FTCDNL1: variants seen among roughly 807,000 people sequenced by gnomAD.
FTCDNL1 encodes the protein formiminotransferase cyclodeaminase N-terminal like.
A neutral mutation model predicts 5.9 loss-of-function variants in FTCDNL1; 11 were observed. That is an observed-to-expected ratio of 1.87 (90% CI 1.18 to 3.10). FTCDNL1 has a LOEUF of 3.10. FTCDNL1 is among the 30% of genes most tolerant of loss of function. FTCDNL1 has a pLI of 0.00. For missense variants in FTCDNL1, 115 were observed against 65.5 expected (o/e 1.76, Z -2.61); for synonymous variants, 58 against 24.8 (o/e 2.34, Z -3.99).
At chr2:199,846,518 CA>C (rs2076737544) in intron 2 of FTCDNL1, among the ~76,000 whole-genome samples, 1 of 152,192 alleles carries the variant, frequency 6.6e-6, no homozygotes, top group Non-Finnish European at 1.5e-5. Flanking sequence ...TGTTCCTTAT[CA>C]ATCTCATCAC....
At chr2:199,850,647 T>A (rs1362195351) in intron 1 of FTCDNL1, 93 bp downstream of exon 1, 1 of 152,334 alleles carries the variant, frequency 6.6e-6, no homozygotes, top group African/African-American at 2.4e-5. Flanking sequence ...GGATGACCTC[T>A]GGTGATAGAT....
At chr2:199,785,165 T>C (rs1699569390) in intron 3 of FTCDNL1, among the ~76,000 whole-genome samples, 1 of 151,480 alleles carries the variant, frequency 6.6e-6, no homozygotes, top group Non-Finnish European at 1.5e-5. Context: ...AGTGTTTTCA[T>C]GATCTCATAC....
the FTCDNL1 span, among the ~76,000 whole-genome samples, chr2:199,722,597 G>A: frequency 6.6e-6 from 1 of 152,140 alleles, no homozygotes; most frequent in Admixed American, 6.5e-5. Context: ...GATTGTCTTG[G>A]TTATAGGGGC....
At chr2:199,837,037 A>G (rs1165727539) in intron 3 of FTCDNL1, among the ~76,000 whole-genome samples, 1 of 152,204 alleles carries the variant, frequency 6.6e-6, no homozygotes, top group Non-Finnish European at 1.5e-5. Context: ...GGCTGGGTTC[A>G]TCCATAACTG....
chr2:199,675,961 AG>A, the FTCDNL1 span, among the ~76,000 whole-genome samples: 1 of 152,188 alleles, frequency 6.6e-6, no homozygotes, highest in Non-Finnish European at 1.5e-5. Flanking sequence ...TGTGTTGCCC[AG>A]ACTTGTGTCC....
chr2:199,733,844 A>G, the FTCDNL1 span, among the ~76,000 whole-genome samples: 1 of 152,112 alleles, frequency 6.6e-6, no homozygotes, highest in East Asian at 1.9e-4. Flanking sequence ...TATTGGGTCT[A>G]ATTTTTTTCA....
intron 2 of FTCDNL1, among the ~76,000 whole-genome samples, chr2:199,847,522 C>T (rs939151197): frequency 9.9e-5 from 15 of 152,194 alleles, no homozygotes; most frequent in Admixed American, 9.8e-4. Flanking sequence ...ATAAAACACT[C>T]TCCTGCAATT....
the FTCDNL1 span, among the ~76,000 whole-genome samples, chr2:199,748,277 C>A: frequency 6.6e-6 from 1 of 152,194 alleles, no homozygotes; most frequent in African/African-American, 2.4e-5. Context: ...CTGATGAAGT[C>A]ATCTCCCATA....
chr2:199,746,285 G>A, the FTCDNL1 span, among the ~76,000 whole-genome samples: 2 of 152,178 alleles, frequency 1.3e-5, no homozygotes, highest in African/African-American at 4.8e-5. Flanking sequence ...AACAGGGCTA[G>A]TGGGGGATGG....
intron 2 of FTCDNL1, among the ~76,000 whole-genome samples, chr2:199,847,398 A>G (rs1429176617): frequency 6.6e-6 from 1 of 152,202 alleles, no homozygotes; most frequent in Non-Finnish European, 1.5e-5. Flanking sequence ...TTTTCAACAT[A>G]CTCTAACTCC....
At chr2:199,804,585 C>G (rs571437000), downstream of FTCDNL1, among the ~76,000 whole-genome samples, 1 of 152,010 alleles carries the variant, frequency 6.6e-6, no homozygotes, top group Non-Finnish European at 1.5e-5. Flanking sequence ...AAAAATAGCA[C>G]GAATTCCAAA....
rs567881207 is a variant in FTCDNL1 at position 199,811,147 on chromosome 2, A to G, written c.*1558T>C. Among the ~76,000 whole-genome samples the G allele has an allele frequency of 6.6e-6, 1 of 152,356 alleles. No individual in the cohort carries two copies. Among genetic ancestry groups the G allele is most frequent in the South Asian group, 2.1e-4 (1 of 4,832 alleles). ...TCCCCATAATGCTGATTTCATAAAA[A>G]TTAAATTTCCTAACAGTCAATACAT... On this transcript the variant is annotated 3_prime_UTR_variant, in exon 5 of 5. Coordinates refer to ENST00000420128, the MANE Select transcript of FTCDNL1 (RefSeq NM_001363886.2).
the FTCDNL1 span, among the ~76,000 whole-genome samples, chr2:199,709,642 TA>T: frequency 6.6e-6 from 1 of 151,844 alleles, no homozygotes; most frequent in Admixed American, 6.6e-5. Context: ...AGAGGTTAAG[TA>T]AGATGAAAAA....
At chr2:199,669,709 A>G in the FTCDNL1 span, among the ~76,000 whole-genome samples, 2 of 152,220 alleles carry the variant, frequency 1.3e-5, no homozygotes, top group Non-Finnish European at 2.9e-5. Flanking sequence ...TTGTGAAACC[A>G]TAAAGCCAGT....
At chr2:199,760,811 C>CTT (rs1194897292) in exon 4 of FTCDNL1, 1 of 702,242 alleles carries the variant, frequency 1.4e-6, no homozygotes, top group Non-Finnish European at 2.6e-6. Context: ...CAGCACTTGC[C>CTT]TTTAGGCTTG....
chr2:199,803,818 T>C (rs1195852873), intron 3 of FTCDNL1, among the ~76,000 whole-genome samples: 2 of 152,178 alleles, frequency 1.3e-5, no homozygotes, highest in East Asian at 3.9e-4. Context: ...GTATGGGATA[T>C]GGTAGGAGGA....
At chr2:199,704,390 A>G in the FTCDNL1 span, among the ~76,000 whole-genome samples, 1 of 152,114 alleles carries the variant, frequency 6.6e-6, no homozygotes, top group Non-Finnish European at 1.5e-5. Context: ...CAAGCCTTGG[A>G]GTTGGGGGTC....
At chr2:199,739,252 A>AGAG in the FTCDNL1 span, among the ~76,000 whole-genome samples, 1 of 151,862 alleles carries the variant, frequency 6.6e-6, no homozygotes, top group African/African-American at 2.4e-5. Context: ...AGGCCACTGG[A>AGAG]GAGGAGATAG....
At chr2:199,715,012 G>A in the FTCDNL1 span, among the ~76,000 whole-genome samples, 2 of 151,720 alleles carry the variant, frequency 1.3e-5, no homozygotes, top group Non-Finnish European at 2.9e-5. Flanking sequence ...GTTACTGGAT[G>A]CAGCACACCA....
Sources: allele counts gnomAD v4.1 joint callset (sites outside exome capture counted in the v4.1 genomes callset), GRCh38; gene constraint gnomAD v4.1.1; transcripts MANE v1.5; gene names NCBI Gene and HGNC (gene_info 2026-07-23, HGNC 2026-07-21).